The following SAMD12 variants were observed in gnomAD, a reference collection of about 807,000 sequenced individuals.
SAMD12 encodes sterile alpha motif domain-containing protein 12.
SAMD12 carries 9 observed loss-of-function variants against 15.0 expected under a neutral mutation model. That is an observed-to-expected ratio of 0.60 (90% confidence interval 0.36 to 1.05). The LOEUF (loss-of-function observed/expected upper bound fraction) is 1.05, where lower values mean the gene tolerates loss of function less well. Ranked by LOEUF, SAMD12 falls within the 50% of genes least tolerant of loss-of-function variation. The pLI, the probability that SAMD12 is intolerant of heterozygous loss-of-function variation, is 0.01. For synonymous variants in SAMD12, 86 were observed against 90.1 expected (o/e 0.96, Z 0.25); for missense variants, 230 against 234.2 (o/e 0.98, Z 0.12).
At chr8:118,201,934 C>T (rs1819726973) in intron 4 of SAMD12, among the ~76,000 whole-genome samples, 1 of 152,224 alleles carries the variant, frequency 6.6e-6, no homozygotes, top group Non-Finnish European at 1.5e-5. Context: ...CCTATGGCTT[C>T]AGAGTCTGGG....
intron 1 of SAMD12, among the ~76,000 whole-genome samples, chr8:118,604,031 A>C (rs1827929247): frequency 6.6e-6 from 1 of 152,214 alleles, no homozygotes; most frequent in Non-Finnish European, 1.5e-5. Context: ...TAAAGTGCTT[A>C]TTATACTTCC....
intron 2 of SAMD12, among the ~76,000 whole-genome samples, chr8:118,551,283 T>C (rs1314044244): frequency 6.6e-6 from 1 of 150,396 alleles, no homozygotes; most frequent in Non-Finnish European, 1.5e-5. Context: ...GAAGTAAAGC[T>C]CTCCTCAGCA....
At chr8:118,604,735 C>T (rs1027362241) in intron 1 of SAMD12, among the ~76,000 whole-genome samples, 1 of 151,960 alleles carries the variant, frequency 6.6e-6, no homozygotes, top group Non-Finnish European at 1.5e-5. Flanking sequence ...TCCTGGCTAA[C>T]ACAGTGAAAC....
chr8:118,400,427 C>A (rs3204971), intron 3 of SAMD12: 1 of 152,132 alleles, frequency 6.6e-6, no homozygotes, highest in Non-Finnish European at 1.5e-5. Flanking sequence ...AAGAAACTTT[C>A]TTACAAAAAT....
chr8:118,249,552 A>G (rs749452082), intron 4 of SAMD12, among the ~76,000 whole-genome samples: 2 of 152,196 alleles, frequency 1.3e-5, no homozygotes, highest in Non-Finnish European at 2.9e-5. Flanking sequence ...GTACGTATGC[A>G]TCACACACAA....
At chr8:118,526,846 TGCTGATCTGCAGG>T (rs1825551007) in intron 2 of SAMD12, among the ~76,000 whole-genome samples, 1 of 152,192 alleles carries the variant, frequency 6.6e-6, no homozygotes, top group South Asian at 2.1e-4. Flanking sequence ...GGAAGACGTA[TGCTGATCTGCAGG>T]GCTAAAAGGA....
intron 4 of SAMD12, among the ~76,000 whole-genome samples, chr8:118,293,460 C>T (rs1814528613): frequency 6.6e-6 from 1 of 152,088 alleles, no homozygotes; most frequent in Admixed American, 6.5e-5. Flanking sequence ...CCAATATTTG[C>T]TAATGAAAAG....
intron 2 of SAMD12, among the ~76,000 whole-genome samples, chr8:118,579,972 C>T (rs1586833210): frequency 1.3e-5 from 2 of 152,260 alleles, no homozygotes; most frequent in South Asian, 2.1e-4. Flanking sequence ...AAATTACCTA[C>T]CCCACAGAAT....
At chr8:118,168,676 T>C in the SAMD12 span, among the ~76,000 whole-genome samples, 4 of 152,270 alleles carry the variant, frequency 2.6e-5, no homozygotes, top group Admixed American at 2.6e-4. Flanking sequence ...TTGGACAAGT[T>C]ATCCTTTTTT....
intron 4 of SAMD12, chr8:118,239,862 G>A (rs1352360554): frequency 6.6e-6 from 1 of 152,116 alleles, no homozygotes; most frequent in Non-Finnish European, 1.5e-5. Context: ...ATAGAGCCCT[G>A]GAGAAGATGC....
chr8:118,200,207 C>G (rs1819675269), intron 4 of SAMD12, among the ~76,000 whole-genome samples: 1 of 152,032 alleles, frequency 6.6e-6, no homozygotes. Context: ...ATAATTTACC[C>G]AGTCTGGTAT....
intron 2 of SAMD12, among the ~76,000 whole-genome samples, chr8:118,567,564 T>C (rs1826885611): frequency 6.6e-6 from 1 of 152,188 alleles, no homozygotes; most frequent in Non-Finnish European, 1.5e-5. Context: ...TGAGGAATTA[T>C]CTAAGGGACA....
At chr8:118,186,619 TAAAG>T (rs974897704), downstream of SAMD12, among the ~76,000 whole-genome samples, 1 of 151,874 alleles carries the variant, frequency 6.6e-6, no homozygotes, top group African/African-American at 2.4e-5. Context: ...GAAAAATTGA[TAAAG>T]AAAATCATTA....
At chr8:118,405,516 T>A (rs1821086559) in intron 3 of SAMD12, among the ~76,000 whole-genome samples, 1 of 152,194 alleles carries the variant, frequency 6.6e-6, no homozygotes, top group Non-Finnish European at 1.5e-5. Context: ...TTGGAAGACG[T>A]CAACTGGAAG....
intron 4 of SAMD12, among the ~76,000 whole-genome samples, chr8:118,346,349 A>T (rs1367922456): frequency 6.6e-6 from 1 of 152,204 alleles, no homozygotes; most frequent in Non-Finnish European, 1.5e-5. Flanking sequence ...CCAACTGAAT[A>T]TTCCAGAAAG....
At chr8:118,251,358 C>T (rs568163007) in intron 4 of SAMD12, among the ~76,000 whole-genome samples, 1 of 152,194 alleles carries the variant, frequency 6.6e-6, no homozygotes, top group East Asian at 1.9e-4. Flanking sequence ...AATCCCGTTG[C>T]TGCAATCAGG....
intron 2 of SAMD12, among the ~76,000 whole-genome samples, chr8:118,451,427 G>A (rs1265520899): frequency 1.3e-5 from 2 of 152,152 alleles, no homozygotes; most frequent in Non-Finnish European, 2.9e-5. Context: ...ACCTTATCGT[G>A]GAAGGAGGTG....
chr8:118,317,367 C>T lies in SAMD12; in HGVS notation c.433+62193G>A, dbSNP rs185869331. 6.4e-4 allele frequency among the ~76,000 whole-genome samples: 97 copies of T among 152,112 alleles called. No homozygotes were observed. In the East Asian group the frequency reaches 9.7e-3, roughly 15 times the overall value. The stretch of plus-strand genomic sequence containing the variant: ...GTGTCCAGTTATAGTCAGAGTAGTC[C>T]CAAACTGGAAACTACTTAAATACGA... On this transcript the variant is annotated intron_variant, in intron 4 of 4. Transcript: ENST00000409003.
chr8:118,479,728 A>G (rs538194085), intron 2 of SAMD12, among the ~76,000 whole-genome samples: 23 of 151,894 alleles, frequency 1.5e-4, no homozygotes, highest in Non-Finnish European at 3.1e-4. Flanking sequence ...TACTGCATCC[A>G]TGAGCACCAG....
Sources: gnomAD v4.1 joint callset for allele counts (sites outside exome capture counted in the v4.1 genomes callset) on GRCh38, gnomAD v4.1.1 for gene constraint, MANE v1.5 for transcripts, NCBI Gene and HGNC (gene_info 2026-07-23, HGNC 2026-07-21) for gene names.